Variants in STK32B observed in about 807,000 individuals in gnomAD.
STK32B encodes serine/threonine kinase 32B.
Under a neutral mutation model 52.6 loss-of-function variants are expected in STK32B, and 43 were observed. The ratio of observed to expected loss-of-function variants is 0.82; its 90% CI spans 0.64 to 1.05. STK32B has a LOEUF of 1.05. STK32B is among the 50% of genes least tolerant of loss of function. The pLI, the probability that STK32B is intolerant of heterozygous loss-of-function variation, is 0.00. For missense variants in STK32B, 621 were observed against 534.6 expected (o/e 1.16, Z -1.59); for synonymous variants, 238 against 204.3 (o/e 1.17, Z -1.41).
At chr4:5,147,479 A>T (rs1042603282) in intron 2 of STK32B, among the ~76,000 whole-genome samples, 1 of 152,066 alleles carries the variant, frequency 6.6e-6, no homozygotes, top group Admixed American at 6.6e-5. Context: ...AAGTGGTGGG[A>T]GCAAGCATCA....
Position 5,467,609 on chromosome 4 carries a change from T to C in STK32B, c.1042-397T>C, listed in dbSNP as rs1381671404. 6.6e-6 allele frequency among the ~76,000 whole-genome samples: 1 copy of C among 152,088 alleles called. No homozygotes were observed. Among genetic ancestry groups the C allele is most frequent in the African/African-American group, 2.4e-5 (1 of 41,408 alleles). ...GGGGGGCTGGGACTCAAGATACCTTTCAGAGGACACAATTCAACACACAAC... is the reference window on the plus strand; with the variant it reads ...GGGGGGCTGGGACTCAAGATACCTTCCAGAGGACACAATTCAACACACAAC... On this transcript the variant is annotated intron_variant, in intron 10 of 11. Transcript: ENST00000282908. This position sits in a 1 kb window ranked among gnomAD's most constrained non-coding sequence, Gnocchi z 5.8.
chr4:5,347,204 A>G (rs867662084), intron 4 of STK32B, among the ~76,000 whole-genome samples: 15 of 152,242 alleles, frequency 9.9e-5, no homozygotes, highest in African/African-American at 3.4e-4. Context: ...AAAGCTCTAC[A>G]GTTAGAAGCT....
At chr4:5,176,626 T>C (rs541832504) in intron 3 of STK32B, among the ~76,000 whole-genome samples, 5 of 152,106 alleles carry the variant, frequency 3.3e-5, no homozygotes, top group African/African-American at 7.2e-5. Context: ...GTGTTCTTAG[T>C]AAAGACAGGA....
At chr4:5,249,918 C>A (rs1045531189) in intron 3 of STK32B, among the ~76,000 whole-genome samples, 5 of 152,170 alleles carry the variant, frequency 3.3e-5, no homozygotes, top group African/African-American at 1.2e-4. Flanking sequence ...TCCTCCCACC[C>A]TCAAGGAGGC....
chr4:5,134,207 C>T (rs534286085), intron 1 of STK32B, among the ~76,000 whole-genome samples: 56 of 152,228 alleles, frequency 3.7e-4, no homozygotes, highest in African/African-American at 1.3e-3. Flanking sequence ...CAATTTCTTG[C>T]GGTTTTAACG....
chr4:5,313,803 A>C (rs1278887157), intron 3 of STK32B, among the ~76,000 whole-genome samples: 1 of 152,178 alleles, frequency 6.6e-6, no homozygotes, highest in African/African-American at 2.4e-5. Flanking sequence ...GACAACGAAC[A>C]TGTGGAAAGC....
chr4:5,370,613 G>GGTTGGAGCCCTAGT (rs1735164089), intron 4 of STK32B, among the ~76,000 whole-genome samples: 1 of 152,114 alleles, frequency 6.6e-6, no homozygotes, highest in Non-Finnish European at 1.5e-5. Context: ...ACAGAACGTG[G>GGTTGGAGCCCTAGT]GTTGGAGCCC....
chr4:5,329,405 G>T (rs891585236), intron 3 of STK32B, among the ~76,000 whole-genome samples: 1 of 152,156 alleles, frequency 6.6e-6, no homozygotes, highest in Non-Finnish European at 1.5e-5. Context: ...CTCCCGCCAT[G>T]GGTCATGCTG....
At chr4:5,061,644 A>G (rs748714488) in intron 1 of STK32B, among the ~76,000 whole-genome samples, 3 of 152,236 alleles carry the variant, frequency 2.0e-5, no homozygotes, top group Non-Finnish European at 2.9e-5. Context: ...TATAGGTGAT[A>G]GGAATCATGC....
intron 6 of STK32B, chr4:5,436,489 C>A: frequency 1.8e-6 from 1 of 560,662 alleles, no homozygotes; most frequent in Non-Finnish European, 2.3e-6. Context: ...GGAATACCAT[C>A]ATCTGTGGCA....
intron 2 of STK32B, among the ~76,000 whole-genome samples, chr4:5,150,677 CCACTTGGATTTCTCCTCTTGGATA>C (rs1307822671): frequency 6.6e-6 from 1 of 151,576 alleles, no homozygotes; most frequent in Admixed American, 6.6e-5. Flanking sequence ...ATTTGAGGCT[CCACTTGGATTTCTCCTCTTGGATA>C]CTCTTGGAGT....
chr4:5,271,754 G>A (rs1172379755), intron 3 of STK32B, among the ~76,000 whole-genome samples: 1 of 143,862 alleles, frequency 7.0e-6, no homozygotes, highest in African/African-American at 2.9e-5. Flanking sequence ...GTATTTTATT[G>A]TCTTTGAAGC....
intron 3 of STK32B, among the ~76,000 whole-genome samples, chr4:5,217,612 A>G (rs2197670): frequency 0.19 from 29,469 of 152,206 alleles, 3,386 homozygotes; most frequent in East Asian, 0.38. Flanking sequence ...CAGAACAAAT[A>G]TCATAGTCAT....
chr4:5,426,695 A>G (rs1577480974), intron 6 of STK32B, among the ~76,000 whole-genome samples: 1 of 143,838 alleles, frequency 7.0e-6, no homozygotes, highest in East Asian at 2.0e-4. Flanking sequence ...ATCTAAACAA[A>G]AAAAAAAAAA....
chr4:5,090,165 G>GATGCTAGT (rs144850227), intron 1 of STK32B, among the ~76,000 whole-genome samples: 23,797 of 151,878 alleles, frequency 0.16, 2,298 homozygotes, highest in African/African-American at 0.28. Flanking sequence ...TAGGTTGCCT[G>GATGCTAGT]TTCACTCTGA....
At chr4:5,110,847 A>G (rs943466462) in intron 1 of STK32B, among the ~76,000 whole-genome samples, 4 of 152,134 alleles carry the variant, frequency 2.6e-5, no homozygotes, top group Non-Finnish European at 4.4e-5. Context: ...GGGAGAAAAT[A>G]TTTACAAGTT....
intron 4 of STK32B, among the ~76,000 whole-genome samples, chr4:5,337,216 T>C (rs1011220744): frequency 4.0e-5 from 6 of 151,864 alleles, no homozygotes; most frequent in African/African-American, 1.5e-4. Context: ...CTCATACTCC[T>C]GAGCTCAAGC....
At chr4:5,065,735 T>G (rs1742395846) in intron 1 of STK32B, among the ~76,000 whole-genome samples, 1 of 152,198 alleles carries the variant, frequency 6.6e-6, no homozygotes. Flanking sequence ...GTAATTTTTT[T>G]TGTTTTGAGA....
chr4:5,198,137 G>A (rs937647931), intron 3 of STK32B, among the ~76,000 whole-genome samples: 2 of 152,166 alleles, frequency 1.3e-5, no homozygotes, highest in African/African-American at 4.8e-5. Context: ...GTGAGGGCAT[G>A]TTGCCTAACA....
Sources: gnomAD v4.1 joint callset for allele counts (sites outside exome capture counted in the v4.1 genomes callset) on GRCh38, gnomAD v4.1.1 for gene constraint, Gnocchi (gnomAD v3.1) non-coding constraint, MANE v1.5 for transcripts, NCBI Gene and HGNC (gene_info 2026-07-23, HGNC 2026-07-21) for gene names.